Variants in WDPCP observed in about 807,000 individuals in gnomAD.
The protein encoded by WDPCP is WD repeat containing planar cell polarity effector, also known as WD repeat-containing and planar cell polarity effector protein fritz homolog.
WDPCP carries 71 observed loss-of-function variants against 93.1 expected under a neutral mutation model. The ratio of observed to expected loss-of-function variants is 0.76; its 90% CI spans 0.63 to 0.93. The LOEUF is 0.93. Ranked by LOEUF, WDPCP falls within the 40% of genes least tolerant of loss-of-function variation. The probability of loss-of-function intolerance (pLI) is 0.00; values close to 1 mark genes in which losing one functional copy is unlikely to be tolerated. For synonymous variants in WDPCP, 315 were observed against 315.0 expected, an observed-to-expected ratio of 1.00 and a Z score of 0.00; for missense variants, 844 against 887.4, an observed-to-expected ratio of 0.95 and a Z score of 0.62.
At chr2:63,525,702 C>T (rs1432533322) in intron 1 of WDPCP, among the ~76,000 whole-genome samples, 1 of 152,074 alleles carries the variant, frequency 6.6e-6, no homozygotes, top group Non-Finnish European at 1.5e-5. Flanking sequence ...GGTCTCTTTC[C>T]TAGAGAGAAG....
intron 12 of WDPCP, among the ~76,000 whole-genome samples, chr2:63,369,931 C>T (rs2104763693): frequency 6.6e-6 from 1 of 152,198 alleles, no homozygotes; most frequent in South Asian, 2.1e-4. Context: ...GGAGGCAATG[C>T]TGTTAAAGGA....
rs1683887111 is a variant in WDPCP, at chr2:63,285,185, C to T, written c.1813-25776G>A. On this transcript the variant is annotated intron_variant, in intron 13 of 17. Coordinates refer to ENST00000272321, the MANE Select transcript of WDPCP (RefSeq NM_015910.7). The stretch of plus-strand genomic sequence containing the variant: ...GTGGCTCATGCCTATAATCCCAGCA[C>T]TTTGGGAGGCCAAGGGCGGCGGATC... Among the ~76,000 whole-genome samples, 8 of 152,320 alleles carry T rather than the reference C, an allele frequency of 5.3e-5. No individual in the cohort carries two copies. In the South Asian group the frequency reaches 1.4e-3, roughly 28 times the overall value.
chr2:63,563,477 T>C (rs568877102), intron 1 of WDPCP, among the ~76,000 whole-genome samples: 80 of 152,186 alleles, frequency 5.3e-4, no homozygotes, highest in African/African-American at 1.9e-3. Flanking sequence ...TTGTATAATT[T>C]CATATATATG....
At chr2:63,581,769 G>A (rs989295223) in intron 1 of WDPCP, among the ~76,000 whole-genome samples, 16 of 152,250 alleles carry the variant, frequency 1.1e-4, no homozygotes, top group African/African-American at 3.1e-4. Context: ...CACTTTGGGA[G>A]GCTGAGACGG....
chr2:63,318,123 C>T (rs911821577), intron 12 of WDPCP, among the ~76,000 whole-genome samples: 1 of 152,146 alleles, frequency 6.6e-6, no homozygotes, highest in Admixed American at 6.6e-5. Context: ...TGAACAGACA[C>T]TTCTCAAAGT....
intron 1 of WDPCP, among the ~76,000 whole-genome samples, chr2:63,566,576 A>G (rs1267183533): frequency 6.6e-6 from 1 of 152,172 alleles, no homozygotes; most frequent in Middle Eastern, 3.2e-3. Context: ...AACTTCCTAA[A>G]TTAACTGAGA....
intron 14 of WDPCP, among the ~76,000 whole-genome samples, chr2:63,219,958 C>T (rs772217740): frequency 6.6e-6 from 1 of 151,820 alleles, no homozygotes; most frequent in Non-Finnish European, 1.5e-5. Context: ...GCCAAGATCG[C>T]GCCACTGCAA....
intron 2 of WDPCP, among the ~76,000 whole-genome samples, chr2:63,802,379 A>G (rs1417521540): frequency 6.7e-6 from 1 of 148,284 alleles, no homozygotes; most frequent in Non-Finnish European, 1.5e-5. Context: ...AGCCTCAAGT[A>G]GTTTACCAAA....
intron 7 of WDPCP, chr2:63,437,803 T>C: frequency 6.6e-7 from 1 of 1,520,926 alleles, no homozygotes; most frequent in Non-Finnish European, 8.9e-7. Flanking sequence ...GGACCACCAA[T>C]GGATGAGATG....
intron 6 of WDPCP, chr2:63,440,472 C>T (rs1020698008): frequency 6.6e-6 from 1 of 152,138 alleles, no homozygotes; most frequent in Non-Finnish European, 1.5e-5. Context: ...AACAATTTCA[C>T]AAGGAGAAAT....
intron 3 of WDPCP, among the ~76,000 whole-genome samples, chr2:63,637,405 C>A (rs540790363): frequency 5.5e-5 from 7 of 128,306 alleles, no homozygotes; most frequent in East Asian, 4.7e-4. Context: ...ACAAAAAAAA[C>A]CAGTGGCTAC....
chr2:63,719,558 A>T (rs917295423), intron 2 of WDPCP, among the ~76,000 whole-genome samples: 2 of 152,180 alleles, frequency 1.3e-5, no homozygotes, highest in Admixed American at 1.3e-4. Context: ...AGACAAAGTG[A>T]TCAAAAATTA....
chr2:63,346,255 A>G (rs1689183525), intron 12 of WDPCP, among the ~76,000 whole-genome samples: 1 of 152,208 alleles, frequency 6.6e-6, no homozygotes, highest in Admixed American at 6.5e-5. Flanking sequence ...TGGAAAGCAT[A>G]GCAGGGAGAG....
intron 1 of WDPCP, among the ~76,000 whole-genome samples, chr2:63,524,052 G>C (rs1575579023): frequency 6.6e-6 from 1 of 152,130 alleles, no homozygotes. Context: ...GAATAAAGCT[G>C]ACCAGAGAAG....
chr2:63,753,041 C>A (rs892838935), intron 2 of WDPCP, among the ~76,000 whole-genome samples: 3 of 152,066 alleles, frequency 2.0e-5, no homozygotes, highest in African/African-American at 7.2e-5. Flanking sequence ...GTTTTTAAGT[C>A]TTTTTCAAAG....
intron 12 of WDPCP, among the ~76,000 whole-genome samples, chr2:63,373,805 C>G (rs1481329587): frequency 6.6e-6 from 1 of 151,920 alleles, no homozygotes; most frequent in Non-Finnish European, 1.5e-5. Flanking sequence ...ATTATATACT[C>G]TATTTCTTTC....
chr2:63,601,467 GA>G (rs1709417234), intron 3 of WDPCP, among the ~76,000 whole-genome samples: 1 of 152,188 alleles, frequency 6.6e-6, no homozygotes, highest in Admixed American at 6.5e-5. Flanking sequence ...TAGCTTGTAA[GA>G]AAATTACTAG....
chr2:63,575,888 G>T lies in WDPCP; in HGVS notation c.75+12309C>A, dbSNP rs117350618. On this transcript the variant is annotated intron_variant, in intron 1 of 17. Transcript: ENST00000272321. ...ATAACATGAATCCTAGACTAACTCT[G>T]GCATTTTAACTCTTCATCTAGTTGT... Among the ~76,000 whole-genome samples the T allele has an allele frequency of 6.8e-4, 103 of 151,944 alleles. 1 individual carries two copies. The East Asian group carries it at 0.019, about 27-fold the overall frequency.
At chr2:63,409,571 G>T (rs1187034980) in intron 9 of WDPCP, among the ~76,000 whole-genome samples, 1 of 152,110 alleles carries the variant, frequency 6.6e-6, no homozygotes, top group Non-Finnish European at 1.5e-5. Context: ...ACCTGAAAAA[G>T]AATTCAGGAA....
Sources: gnomAD v4.1 joint callset for allele counts (sites outside exome capture counted in the v4.1 genomes callset) on GRCh38, gnomAD v4.1.1 for gene constraint, MANE v1.5 for transcripts, NCBI Gene and HGNC (gene_info 2026-07-23, HGNC 2026-07-21) for gene names.